FREM1: variants seen among roughly 807,000 people sequenced by gnomAD.
FREM1 encodes FRAS1 related extracellular matrix 1.
A neutral mutation model predicts 210.1 loss-of-function variants in FREM1; 220 were observed. The ratio of observed to expected loss-of-function variants is 1.05; its 90% CI spans 0.94 to 1.17. The LOEUF (loss-of-function observed/expected upper bound fraction) is 1.17. Among genes scored for constraint, FREM1 ranks in the 50% most tolerant of loss-of-function variants. The pLI is 0.00. For missense variants in FREM1, 3,454 were observed against 2,675.5 expected (o/e 1.29, Z -6.42); for synonymous variants, 1,189 against 980.2 (o/e 1.21, Z -3.98).
intron 2 of FREM1, among the ~76,000 whole-genome samples, chr9:14,865,855 T>C (rs1372373349): frequency 6.6e-6 from 1 of 152,068 alleles, no homozygotes; most frequent in Non-Finnish European, 1.5e-5. Flanking sequence ...GAATAACAAA[T>C]AGGAACAATC....
intron 1 of FREM1, among the ~76,000 whole-genome samples, chr9:14,878,275 A>G (rs551562307): frequency 3.9e-4 from 60 of 151,994 alleles, no homozygotes; most frequent in African/African-American, 1.4e-3. Context: ...ACCCTGTCCC[A>G]GCCACTCTAA....
chr9:14,773,914 G>A, intron 25 of FREM1: 1 of 338,592 alleles, frequency 3.0e-6, no homozygotes, highest in Non-Finnish European at 5.7e-6. Flanking sequence ...AGTATCCCTG[G>A]TTGGACAGTA....
At chr9:14,844,387 G>A (rs561786017) in intron 8 of FREM1, among the ~76,000 whole-genome samples, 2 of 152,150 alleles carry the variant, frequency 1.3e-5, no homozygotes, top group South Asian at 2.1e-4. Flanking sequence ...CACCATGCCG[G>A]GCTATTTTTA....
In FREM1 at chr9:14,748,487, C is replaced by A. The variant is rs542069981; in HGVS notation, c.5710G>T (p.Ala1904Ser). 2.3e-5 allele frequency: 37 copies of A among 1,613,846 alleles called. No individual in the cohort carries two copies. Among genetic ancestry groups the A allele is most frequent in the Non-Finnish European group, 3.1e-5 (37 of 1,179,790 alleles). ...RRPLPSSMQLAVIRGDTLRGF... is the reference protein window; with the variant it reads ...RRPLPSSMQLSVIRGDTLRGF... ...CGCAGGGTGTCTCCCCTGATGACTG[C>A]TAGCTGCATGGAAGATGGAAGAGGT... Residue 1904 changes from alanine to serine, a missense_variant, in exon 31 of 37, where the codon GCA becomes TCA. Coordinates refer to ENST00000380880, the MANE Select transcript of FREM1 (RefSeq NM_001379081.2).
intron 10 of FREM1, among the ~76,000 whole-genome samples, chr9:14,832,472 A>G (rs1365557879): frequency 6.6e-6 from 1 of 152,242 alleles, no homozygotes; most frequent in Admixed American, 6.5e-5. Context: ...AAAATAGGGA[A>G]GGCAAAGAAA....
rs1212010771 is a variant in FREM1 at position 14,861,268 on chromosome 9, CACATATAT to C, written c.330-1792_330-1785del. Among the ~76,000 whole-genome samples, 366 of 88,454 alleles carry C rather than the reference CACATATAT, an allele frequency of 4.1e-3. 46 individuals are homozygous for C. The highest frequency in any genetic ancestry group is 0.011 in the South Asian group (35 of 3,046). The allele number at this position is 88,454 out of a possible 152,430, so 58.0% of individuals were successfully genotyped here. ...ACATATATACATATATACACATATA[CACATATAT>C]ACATATATACATATATACATATATA... On this transcript the variant is annotated intron_variant, in intron 3 of 36. Coordinates refer to ENST00000380880, the MANE Select transcript of FREM1 (RefSeq NM_001379081.2).
intron 1 of FREM1, among the ~76,000 whole-genome samples, chr9:14,896,650 C>G (rs539655240): frequency 1.1e-4 from 17 of 152,080 alleles, no homozygotes; most frequent in African/African-American, 3.4e-4. Flanking sequence ...CAGTGCTGCT[C>G]TGTCTATGGA....
At chr9:14,762,657 G>A (rs147805048) in intron 27 of FREM1, among the ~76,000 whole-genome samples, 1,982 of 151,606 alleles carry the variant, frequency 0.013, 22 homozygotes, top group Non-Finnish European at 0.021. Flanking sequence ...TTGAAAAGCC[G>A]TGAAATTTAA....
At chr9:14,811,891 C>T (rs1456236103) in intron 16 of FREM1, among the ~76,000 whole-genome samples, 1 of 152,042 alleles carries the variant, frequency 6.6e-6, no homozygotes, top group African/African-American at 2.4e-5. Flanking sequence ...ATACTTCCTG[C>T]ATTGGAACTT....
chr9:14,870,605 C>A (rs948943285), intron 1 of FREM1, among the ~76,000 whole-genome samples: 14 of 151,690 alleles, frequency 9.2e-5, no homozygotes, highest in South Asian at 2.1e-4. Flanking sequence ...AGAAAAAATA[C>A]CCTTAGAAAG....
In FREM1 at chr9:14,756,441, G is replaced by A. The variant is rs775035499; in HGVS notation, c.5340C>T (p.Asn1780=). 3 of 1,594,028 alleles carry A rather than the reference G, an allele frequency of 1.9e-6. No homozygotes were observed. The highest frequency in any genetic ancestry group is 2.3e-5 in the South Asian group (2 of 87,224). The part of the protein sequence containing the change: ...MDSAFVGIKV[N]QVSAAVGKDF... ...CTTTTCCAACTGCAGCTGACACTTG[G>A]TTGACCTTAGGAGGGAAAAAAAAAT... Residue 1780 remains asparagine, a synonymous_variant, in exon 29 of 37, where the codon AAC becomes AAT. Coordinates refer to ENST00000380880, the MANE Select transcript of FREM1 (RefSeq NM_001379081.2).
intron 3 of FREM1, among the ~76,000 whole-genome samples, chr9:14,859,699 C>G (rs1468944064): frequency 1.3e-5 from 2 of 152,172 alleles, no homozygotes; most frequent in Non-Finnish European, 2.9e-5. Flanking sequence ...TTCTTCCTCC[C>G]AACATCTTTC....
At chr9:14,845,811 A>C (rs1219486237) in intron 8 of FREM1, 149 bp downstream of exon 8, 3 of 775,430 alleles carry the variant, frequency 3.9e-6, no homozygotes, top group Admixed American at 5.0e-5. Flanking sequence ...CACAAAAGTC[A>C]ATGATTTCAA....
At chr9:14,747,153 T>A in intron 33 of FREM1, 102 bp from the exon 34 acceptor site, 1 of 1,581,366 alleles carries the variant, frequency 6.3e-7, no homozygotes, top group Non-Finnish European at 8.7e-7. Flanking sequence ...AGCATTTGTG[T>A]TGGGTAAACT....
chr9:14,749,984 G>C (rs778676322), intron 30 of FREM1, 143 bp downstream of exon 30: 139 of 793,596 alleles, frequency 1.8e-4, no homozygotes, highest in Admixed American at 4.7e-4. Context: ...AGAATAAAGG[G>C]CCTACATCAC....
At chr9:14,778,357 A>AC (rs35726395) in intron 24 of FREM1, among the ~76,000 whole-genome samples, 97,745 of 151,118 alleles carry the variant, frequency 0.65, 31,867 homozygotes, top group East Asian at 0.78. Context: ...ACACCTGTAA[A>AC]CCCAGTACCT....
At chr9:14,864,059 AC>A (rs1158532107) in intron 2 of FREM1, among the ~76,000 whole-genome samples, 156 bp from the exon 3 acceptor site, 1 of 152,010 alleles carries the variant, frequency 6.6e-6, no homozygotes, top group East Asian at 1.9e-4. Flanking sequence ...CCTCTACCCT[AC>A]CCCCATACCC....
At chr9:14,826,902 G>A (rs1822561088) in intron 10 of FREM1, among the ~76,000 whole-genome samples, 1 of 152,168 alleles carries the variant, frequency 6.6e-6, no homozygotes, top group African/African-American at 2.4e-5. Context: ...CTGGCAACTT[G>A]GTCTTGGACT....
chr9:14,865,004 C>T (rs1831250062), intron 2 of FREM1, among the ~76,000 whole-genome samples: 1 of 152,152 alleles, frequency 6.6e-6, no homozygotes, highest in African/African-American at 2.4e-5. Flanking sequence ...AATATGTTTT[C>T]CTTTTATAAA....
Sources: allele counts gnomAD v4.1 joint callset (sites outside exome capture counted in the v4.1 genomes callset), GRCh38; gene constraint gnomAD v4.1.1; transcripts MANE v1.5; gene names NCBI Gene and HGNC (gene_info 2026-07-23, HGNC 2026-07-21).